Variants in CSMD3 observed in about 807,000 individuals in gnomAD.
CSMD3 encodes the protein CUB and Sushi multiple domains 3.
CSMD3 carries 177 observed loss-of-function variants against 435.2 expected under a neutral mutation model. The observed-to-expected ratio is 0.41, with a 90% confidence interval of 0.36 to 0.46. CSMD3 has a LOEUF of 0.46. Ranked by LOEUF, CSMD3 falls within the 20% of genes least tolerant of loss-of-function variation. The probability of loss-of-function intolerance (pLI) is 0.34; values close to 1 mark genes in which losing one functional copy is unlikely to be tolerated. For synonymous variants in CSMD3, 1,656 were observed against 1,520.5 expected (o/e 1.09, Z -2.07); for missense variants, 4,265 against 4,504.6 (o/e 0.95, Z 1.52).
At chr8:112,919,422 T>C (rs1445956503) in intron 10 of CSMD3, among the ~76,000 whole-genome samples, 2 of 151,910 alleles carry the variant, frequency 1.3e-5, no homozygotes, top group East Asian at 1.9e-4. Context: ...GTATGATTCA[T>C]CTTTTTAATC....
At chr8:112,228,036 C>A (rs906505776) in intron 70 of CSMD3, among the ~76,000 whole-genome samples, 1 of 151,878 alleles carries the variant, frequency 6.6e-6, no homozygotes, top group Non-Finnish European at 1.5e-5. Context: ...AGCAAGACTC[C>A]GTCTCAAAAA....
intron 23 of CSMD3, among the ~76,000 whole-genome samples, chr8:112,578,045 G>A (rs1339964413): frequency 1.3e-5 from 2 of 152,002 alleles, no homozygotes; most frequent in East Asian, 3.9e-4. Context: ...TGTTTTATAG[G>A]TTGATTTGGA....
Position 112,550,748 on chromosome 8 carries a change from C to T in CSMD3, c.4487G>A (p.Ser1496Asn), listed in dbSNP as rs770184805. Residue 1496 changes from serine to asparagine, a missense_variant, in exon 27 of 71, where the codon AGC becomes AAC. By Grantham distance (46) the Ser-to-Asn change is conservative. This residue lies in a region of CSMD3 where 3,255 missense variants were observed against 3,380.2 expected (regional missense o/e 0.96). Coordinates refer to ENST00000297405, the MANE Select transcript of CSMD3 (RefSeq NM_198123.2). ...CTGGATGGTTACTATATTGAGGGTG[C>T]TATGAATTCCTTCAGGAATAAGAGA... The part of the protein sequence containing the change: ...SGSLIPEGIH[S>N]TLNIVTIQFD... 48 of 1,603,310 alleles carry T rather than the reference C, an allele frequency of 3.0e-5. No homozygotes were observed. The highest frequency in any genetic ancestry group is 3.9e-5 in the Non-Finnish European group (46 of 1,170,708).
At chr8:112,689,432 A>G (rs1240862846) in intron 14 of CSMD3, among the ~76,000 whole-genome samples, 2 of 152,058 alleles carry the variant, frequency 1.3e-5, no homozygotes, top group Non-Finnish European at 2.9e-5. Flanking sequence ...CTCATGCATT[A>G]GTGTTAACAT....
intron 36 of CSMD3, among the ~76,000 whole-genome samples, chr8:112,385,586 T>C (rs891818376): frequency 1.3e-5 from 2 of 152,152 alleles, no homozygotes; most frequent in African/African-American, 2.4e-5. Context: ...TTCAGTAATA[T>C]TTCAATATGT....
intron 2 of CSMD3, chr8:113,313,702 G>T (rs566260363): frequency 3.1e-4 from 47 of 152,276 alleles, no homozygotes; most frequent in African/African-American, 1.0e-3. Context: ...ACATAGCCAA[G>T]TATGTAAAGA....
intron 10 of CSMD3, among the ~76,000 whole-genome samples, chr8:112,880,003 G>A (rs60470097): frequency 0.061 from 9,305 of 151,946 alleles, 970 homozygotes; most frequent in African/African-American, 0.21. Flanking sequence ...AAACCACCAA[G>A]GCATGTGTAT....
At chr8:112,381,157 CTAGA>C (rs1277070929) in intron 37 of CSMD3, among the ~76,000 whole-genome samples, 1 of 151,150 alleles carries the variant, frequency 6.6e-6, no homozygotes, top group Non-Finnish European at 1.5e-5. Flanking sequence ...AGTTAGACAG[CTAGA>C]TAGATAGATT....
intron 10 of CSMD3, among the ~76,000 whole-genome samples, chr8:112,902,528 A>C (rs1333094238): frequency 6.6e-6 from 1 of 151,274 alleles, no homozygotes; most frequent in African/African-American, 2.4e-5. Flanking sequence ...ATACTTCTAA[A>C]TATATGAACC....
chr8:113,363,943 C>G (rs1237113956), intron 1 of CSMD3, among the ~76,000 whole-genome samples: 1 of 152,082 alleles, frequency 6.6e-6, no homozygotes, highest in Non-Finnish European at 1.5e-5. Context: ...AAGTTATTAT[C>G]AAACCTGAAG....
At chr8:113,377,122 C>G in intron 1 of CSMD3, 1 of 1,259,298 alleles carries the variant, frequency 7.9e-7, no homozygotes, top group Non-Finnish European at 1.0e-6. Context: ...CGTCGTCCGG[C>G]TCTCCGGTCC....
At chr8:113,388,441 C>G (rs1049716163) in intron 1 of CSMD3, among the ~76,000 whole-genome samples, 4 of 151,242 alleles carry the variant, frequency 2.6e-5, no homozygotes, top group Non-Finnish European at 5.9e-5. Flanking sequence ...TGCTTTTTAC[C>G]TTTGACCATC....
At chr8:113,203,793 A>G (rs1440752159) in intron 3 of CSMD3, among the ~76,000 whole-genome samples, 1 of 151,970 alleles carries the variant, frequency 6.6e-6, no homozygotes, top group Non-Finnish European at 1.5e-5. Flanking sequence ...TCCTTGTTTT[A>G]TCTACTTTTA....
At chr8:112,535,594 G>T in intron 27 of CSMD3, among the ~76,000 whole-genome samples, 1 of 151,932 alleles carries the variant, frequency 6.6e-6, no homozygotes, top group African/African-American at 2.4e-5. Flanking sequence ...TGGCCATAGT[G>T]CCCAAGGTAA....
At chr8:112,971,445 A>T (rs970548564) in intron 7 of CSMD3, among the ~76,000 whole-genome samples, 4 of 152,168 alleles carry the variant, frequency 2.6e-5, no homozygotes, top group Middle Eastern at 3.2e-3. Flanking sequence ...GATAGTAAGC[A>T]ATTCTTTTTT....
At chr8:113,138,233 T>C (rs2091463122) in intron 4 of CSMD3, among the ~76,000 whole-genome samples, 1 of 151,436 alleles carries the variant, frequency 6.6e-6, no homozygotes, top group Admixed American at 6.6e-5. Flanking sequence ...ATGTCATCCA[T>C]AATTGTGGAC....
intron 10 of CSMD3, among the ~76,000 whole-genome samples, chr8:112,905,306 G>GCA (rs1554714937): frequency 2.3e-5 from 3 of 129,824 alleles, no homozygotes; most frequent in Admixed American, 8.4e-5. Context: ...TATACTATGT[G>GCA]TATATATATA....
At chr8:112,311,400 G>A (rs1434728902) in intron 49 of CSMD3, among the ~76,000 whole-genome samples, 1 of 152,084 alleles carries the variant, frequency 6.6e-6, no homozygotes, top group Non-Finnish European at 1.5e-5. Flanking sequence ...TATTGTCACC[G>A]AAAATGTCTT....
At chr8:113,006,472 G>A (rs749658046) in intron 6 of CSMD3, among the ~76,000 whole-genome samples, 15 of 151,900 alleles carry the variant, frequency 9.9e-5, no homozygotes, top group Non-Finnish European at 1.5e-4. Flanking sequence ...TAGTAGGGTG[G>A]GCTTTAATGG....
Sources: gnomAD v4.1 joint callset for allele counts (sites outside exome capture counted in the v4.1 genomes callset) on GRCh38, gnomAD v4.1.1 for gene constraint, gnomAD v4.1.1 regional missense constraint, MANE v1.5 for transcripts, NCBI Gene and HGNC (gene_info 2026-07-23, HGNC 2026-07-21) for gene names.